GRK4: variants seen among roughly 807,000 people sequenced by gnomAD.
GRK4 encodes the protein G protein-coupled receptor kinase 4.
In GRK4, 73 loss-of-function variants were observed where a neutral mutation model predicts 77.9. The ratio of observed to expected loss-of-function variants is 0.94; its 90% CI spans 0.78 to 1.14. The LOEUF is 1.14. Among genes scored for constraint, GRK4 ranks in the 50% most tolerant of loss-of-function variants. The pLI, the probability that GRK4 is intolerant of heterozygous loss-of-function variation, is 0.00. For synonymous variants in GRK4, 257 were observed against 254.4 expected (o/e 1.01, Z -0.10); for missense variants, 729 against 700.2 (o/e 1.04, Z -0.46).
chr4:2,980,206 G>A (rs1424065196), intron 1 of GRK4, among the ~76,000 whole-genome samples: 1 of 152,148 alleles, frequency 6.6e-6, no homozygotes, highest in Non-Finnish European at 1.5e-5. Context: ...TAATTTGTTA[G>A]CCAGGATTCA....
chr4:3,030,751 C>A (rs1305874230), intron 12 of GRK4, among the ~76,000 whole-genome samples: 1 of 152,014 alleles, frequency 6.6e-6, no homozygotes, highest in African/African-American at 2.4e-5. Flanking sequence ...TAGAGGGGGA[C>A]GGGACAGAGA....
chr4:2,988,077 A>AAAAAAAAAAAAAAAAAAAAAAAG (rs1724947339), intron 2 of GRK4, among the ~76,000 whole-genome samples: 1 of 134,896 alleles, frequency 7.4e-6, no homozygotes, highest in Non-Finnish European at 1.6e-5. Context: ...CTCTGTCTCA[A>AAAAAAAAAAAAAAAAAAAAAAAG]AAAAAAAAAA....
intron 14 of GRK4, among the ~76,000 whole-genome samples, chr4:3,037,806 T>G (rs1222043980): frequency 1.3e-5 from 2 of 150,974 alleles, no homozygotes; most frequent in Admixed American, 1.3e-4. Context: ...TCCCAGCTAG[T>G]AGGGATGCTG....
chr4:3,032,050 CTG>C (rs1444795414), intron 12 of GRK4, among the ~76,000 whole-genome samples: 1 of 152,144 alleles, frequency 6.6e-6, no homozygotes. Context: ...TTAGAGCTGA[CTG>C]TTAAATAATG....
At chr4:2,979,356 A>G (rs1722151220) in intron 1 of GRK4, among the ~76,000 whole-genome samples, 1 of 139,350 alleles carries the variant, frequency 7.2e-6, no homozygotes, top group African/African-American at 2.7e-5. Context: ...ATCATCTGAG[A>G]TGGTGCCACT....
chr4:3,013,980 T>A lies in GRK4; in HGVS notation c.741+152T>A, dbSNP rs114366994. 6.1e-4 allele frequency: 481 copies of A among 783,458 alleles called. 1 individual carries two copies. In the African/African-American group the frequency reaches 7.4e-3, roughly 12 times the overall value. The allele number at this position is 783,458 out of a possible 1,614,324, so 48.5% of individuals were successfully genotyped here. A position where few individuals can be genotyped will look rare whatever the true frequency, so the allele number is the denominator to read the frequency against. ...GGGGTTTGCTCTTTTTAGTAACAGTTTTGTTTTTAGTAACAGCTCTCTTCT... is the reference window on the plus strand; with the variant it reads ...GGGGTTTGCTCTTTTTAGTAACAGTATTGTTTTTAGTAACAGCTCTCTTCT... On this transcript the variant is annotated intron_variant, in intron 8 of 15. Coordinates refer to ENST00000398052, the MANE Select transcript of GRK4 (RefSeq NM_182982.3).
Position 3,007,887 on chromosome 4 carries a change from C to T in GRK4, c.536+59C>T, listed in dbSNP as rs947148981. The T allele has an allele frequency of 2.6e-6, 3 of 1,134,138 alleles. No individual in the cohort carries two copies. In the African/African-American group the frequency reaches 4.6e-5, roughly 17 times the overall value. The allele number at this position is 1,134,138 out of a possible 1,614,324, so 70.3% of individuals were successfully genotyped here. A position where few individuals can be genotyped will look rare whatever the true frequency, so the allele number is the denominator to read the frequency against. The stretch of plus-strand genomic sequence containing the variant: ...TTGAGGTGGCACATGCCTGTAGTCC[C>T]AGCTACTCAGGAGGCTGAGGCTGAA... On this transcript the variant is annotated intron_variant, in intron 6 of 15. Coordinates refer to ENST00000398052, the MANE Select transcript of GRK4 (RefSeq NM_182982.3).
chr4:2,989,232 G>C (rs1012162384), intron 3 of GRK4, among the ~76,000 whole-genome samples: 4 of 152,048 alleles, frequency 2.6e-5, no homozygotes, highest in Non-Finnish European at 5.9e-5. Flanking sequence ...TAGGAGTGGA[G>C]GGACTGGTTG....
rs531880597 is a variant in GRK4, at chr4:3,028,967, T to C, written c.1061-234T>C. ...TTGTATTTTTAGTAGAGACAGGGTTTCACCATGTTGTCCAGGCTGGTCTCA... is the reference window on the plus strand; with the variant it reads ...TTGTATTTTTAGTAGAGACAGGGTTCCACCATGTTGTCCAGGCTGGTCTCA... On this transcript the variant is annotated intron_variant, in intron 11 of 15. Transcript: ENST00000398052. Among the ~76,000 whole-genome samples, 5 of 152,310 alleles carry C rather than the reference T, an allele frequency of 3.3e-5. No individual in the cohort carries two copies. The South Asian group carries it at 1.0e-3, about 32-fold the overall frequency.
chr4:2,985,973 A>T (rs1724215041), intron 2 of GRK4, among the ~76,000 whole-genome samples: 1 of 143,516 alleles, frequency 7.0e-6, no homozygotes, highest in Non-Finnish European at 1.5e-5. Flanking sequence ...TGACAGAACA[A>T]GACTCCGTCT....
At chr4:3,001,199 ATATGTG>A (rs1349826446) in intron 4 of GRK4, among the ~76,000 whole-genome samples, 2 of 136,176 alleles carry the variant, frequency 1.5e-5, no homozygotes, top group African/African-American at 2.8e-5. Context: ...ATATATGTAT[ATATGTG>A]TATGTGTATA....
chr4:3,040,287 A>G (rs960975410), intron 15 of GRK4, among the ~76,000 whole-genome samples: 6 of 151,998 alleles, frequency 3.9e-5, no homozygotes, highest in Admixed American at 3.9e-4. Context: ...CTAAAAATAC[A>G]AAACTTAGCA....
chr4:3,002,864 A>G (rs150188673), intron 4 of GRK4, among the ~76,000 whole-genome samples: 1 of 152,258 alleles, frequency 6.6e-6, no homozygotes, highest in African/African-American at 2.4e-5. Flanking sequence ...TCCCATTTGC[A>G]TGAGGAAAAA....
chr4:3,016,962 C>G (rs1734724832), intron 8 of GRK4, among the ~76,000 whole-genome samples: 1 of 152,188 alleles, frequency 6.6e-6, no homozygotes, highest in African/African-American at 2.4e-5. Context: ...GGTGTTTACC[C>G]CCTGCTTACA....
intron 8 of GRK4, among the ~76,000 whole-genome samples, chr4:3,018,712 T>C (rs1735224782): frequency 6.6e-6 from 1 of 152,076 alleles, no homozygotes; most frequent in Admixed American, 6.6e-5. Flanking sequence ...ACCTCATCTC[T>C]ACTATAAATA....
At chr4:3,001,178 T>C (rs1414860132) in intron 4 of GRK4, among the ~76,000 whole-genome samples, 1 of 113,394 alleles carries the variant, frequency 8.8e-6, no homozygotes. Flanking sequence ...TGTATATATG[T>C]GTATGTGTAT....
intron 4 of GRK4, among the ~76,000 whole-genome samples, chr4:2,999,222 A>G (rs1728838098): frequency 6.6e-6 from 1 of 152,198 alleles, no homozygotes; most frequent in South Asian, 2.1e-4. Context: ...ATCCATGCAG[A>G]AGAATACGAG....
In GRK4 at chr4:2,991,211, C is replaced by T. The variant is rs185066437; in HGVS notation, c.262-1004C>T. Among the ~76,000 whole-genome samples, 4 of 152,284 alleles carry T rather than the reference C, an allele frequency of 2.6e-5. No homozygotes were observed. In the East Asian group the frequency reaches 5.8e-4, roughly 22 times the overall value. ...CTCTCCAGTAATGGGCTGAAGCTGC[C>T]GTCCTCAGGCAGAATTTCTTCCTCC... is the stretch of plus-strand genomic sequence containing the variant. On this transcript the variant is annotated intron_variant, in intron 3 of 15. Transcript: ENST00000398052.
intron 5 of GRK4, among the ~76,000 whole-genome samples, 161 bp downstream of exon 5, chr4:3,004,495 G>A (rs1283427497): frequency 6.6e-6 from 1 of 152,152 alleles, no homozygotes. Flanking sequence ...CTTCTGCGCA[G>A]TTGAAAATCT....
Sources: gnomAD v4.1 joint callset for allele counts (sites outside exome capture counted in the v4.1 genomes callset) on GRCh38, gnomAD v4.1.1 for gene constraint, MANE v1.5 for transcripts, NCBI Gene and HGNC (gene_info 2026-07-23, HGNC 2026-07-21) for gene names.